The following CNTNAP4 variants were observed in gnomAD, a reference collection of about 807,000 sequenced individuals.
CNTNAP4 encodes the protein contactin associated protein family member 4.
Under a neutral mutation model 148.4 loss-of-function variants are expected in CNTNAP4, and 98 were observed. The observed-to-expected ratio is 0.66, with a 90% confidence interval of 0.56 to 0.78. The LOEUF (loss-of-function observed/expected upper bound fraction) is 0.78, where lower values mean the gene tolerates loss of function less well. Among genes scored for constraint, CNTNAP4 ranks in the 30% least tolerant of loss-of-function variants. The pLI is 0.00. For missense variants in CNTNAP4, 1,935 were observed against 1,565.6 expected, an observed-to-expected ratio of 1.24 and a Z score of -3.98; for synonymous variants, 730 against 565.1, an observed-to-expected ratio of 1.29 and a Z score of -4.14.
chr16:76,555,013 A>G (rs2085131870), intron 23 of CNTNAP4, among the ~76,000 whole-genome samples: 1 of 151,832 alleles, frequency 6.6e-6, no homozygotes, highest in South Asian at 2.1e-4. Flanking sequence ...AAACTTTAAA[A>G]TTGTATCTCC....
intron 10 of CNTNAP4, among the ~76,000 whole-genome samples, chr16:76,473,400 C>CT (rs1280345642): frequency 1.3e-5 from 2 of 152,024 alleles, no homozygotes; most frequent in Non-Finnish European, 2.9e-5. Flanking sequence ...GTGAACATCT[C>CT]TTTTTTTATA....
At chr16:76,345,455 A>G (rs757907905) in intron 2 of CNTNAP4, among the ~76,000 whole-genome samples, 1 of 152,246 alleles carries the variant, frequency 6.6e-6, no homozygotes, top group Admixed American at 6.5e-5. Context: ...ATTCAAAAGT[A>G]TTGTGACAGA....
At chr16:76,479,397 A>G (rs774152028) in intron 11 of CNTNAP4, 22 bp from the exon 12 acceptor site, 3 of 1,561,544 alleles carry the variant, frequency 1.9e-6, no homozygotes, top group South Asian at 2.5e-5. Context: ...TATTCCATTA[A>G]TGATGATTTT....
chr16:76,454,779 T>A (rs1029129107), intron 8 of CNTNAP4, among the ~76,000 whole-genome samples: 1 of 152,236 alleles, frequency 6.6e-6, no homozygotes, highest in Non-Finnish European at 1.5e-5. Flanking sequence ...TGTATTATAA[T>A]GACTTTCAAG....
chr16:76,379,777 C>G (rs192492728), intron 3 of CNTNAP4, among the ~76,000 whole-genome samples: 69 of 152,278 alleles, frequency 4.5e-4, no homozygotes, highest in African/African-American at 1.7e-3. Flanking sequence ...TGGTTCTGAC[C>G]AGGACAATGG....
chr16:76,301,285 C>G (rs1387294400), intron 1 of CNTNAP4, among the ~76,000 whole-genome samples: 1 of 152,106 alleles, frequency 6.6e-6, no homozygotes, highest in Non-Finnish European at 1.5e-5. Flanking sequence ...ATATTAATAG[C>G]TCCAAGGGTT....
intron 3 of CNTNAP4, among the ~76,000 whole-genome samples, chr16:76,406,193 G>A (rs183302044): frequency 8.5e-5 from 13 of 152,244 alleles, no homozygotes; most frequent in Admixed American, 5.2e-4. Context: ...AATATTTCAA[G>A]CTTTTAAATT....
At chr16:76,290,953 T>A (rs1338687643) in intron 1 of CNTNAP4, among the ~76,000 whole-genome samples, 4 of 152,170 alleles carry the variant, frequency 2.6e-5, no homozygotes, top group Admixed American at 2.6e-4. Flanking sequence ...GCCTTTCCTT[T>A]GTGCACATGG....
At chr16:76,317,681 G>C (rs934773849) in intron 2 of CNTNAP4, among the ~76,000 whole-genome samples, 1 of 152,020 alleles carries the variant, frequency 6.6e-6, no homozygotes, top group Non-Finnish European at 1.5e-5. Context: ...TGAGCACACT[G>C]AACATTGGAC....
At chr16:76,397,019 A>G (rs972616168) in intron 3 of CNTNAP4, among the ~76,000 whole-genome samples, 12 of 152,166 alleles carry the variant, frequency 7.9e-5, no homozygotes, top group African/African-American at 2.4e-4. Flanking sequence ...GACTTAAGCA[A>G]TGGAGAGGAA....
chr16:76,343,410 G>T (rs1964648203), intron 2 of CNTNAP4, among the ~76,000 whole-genome samples: 1 of 152,128 alleles, frequency 6.6e-6, no homozygotes, highest in African/African-American at 2.4e-5. Flanking sequence ...CCTCACTTGT[G>T]CATCTTTCAC....
At position 76,447,207 on chromosome 16, in the gene CNTNAP4, G is replaced by A. The variant is rs927903873; in HGVS notation, c.539-805G>A. 2.6e-5 allele frequency among the ~76,000 whole-genome samples: 4 copies of A among 152,094 alleles called. No homozygotes were observed. In the East Asian group the frequency reaches 7.8e-4, roughly 29 times the overall value. On this transcript the variant is annotated intron_variant, in intron 4 of 23. Transcript: ENST00000611870. ...CCCTTGTGGTTCCACTTACTCAGGAGGTTGAGGTGGGAGGGTCGCTTGAGC... is the reference window on the plus strand; with the variant it reads ...CCCTTGTGGTTCCACTTACTCAGGAAGTTGAGGTGGGAGGGTCGCTTGAGC...
intron 3 of CNTNAP4, among the ~76,000 whole-genome samples, chr16:76,393,220 C>T (rs1261718680): frequency 6.6e-6 from 1 of 152,148 alleles, no homozygotes; most frequent in African/African-American, 2.4e-5. Context: ...GATGATTTTA[C>T]TACCCACTGA....
chr16:76,335,835 C>A (rs1330842503), intron 2 of CNTNAP4, among the ~76,000 whole-genome samples: 1 of 152,148 alleles, frequency 6.6e-6, no homozygotes, highest in African/African-American at 2.4e-5. Context: ...GTGCTGTTGG[C>A]AAGGTCTCAC....
At chr16:76,341,537 A>G (rs966181072) in intron 2 of CNTNAP4, among the ~76,000 whole-genome samples, 1 of 152,248 alleles carries the variant, frequency 6.6e-6, no homozygotes, top group Admixed American at 6.5e-5. Context: ...GATTTTTAAC[A>G]TTTTCAGTCC....
intron 2 of CNTNAP4, among the ~76,000 whole-genome samples, chr16:76,354,862 C>A (rs1489760683): frequency 6.6e-6 from 1 of 152,192 alleles, no homozygotes; most frequent in Non-Finnish European, 1.5e-5. Flanking sequence ...CAATGTCCTC[C>A]CTTCTCTAAG....
intron 12 of CNTNAP4, 25 bp downstream of exon 12, chr16:76,479,563 C>T: frequency 6.3e-7 from 1 of 1,592,638 alleles, no homozygotes; most frequent in East Asian, 2.3e-5. Flanking sequence ...TTTTATTTTA[C>T]AGTTAAATTT....
In CNTNAP4 at chr16:76,277,579, A is replaced by C; in HGVS notation, c.-84A>C. 1.1e-6 allele frequency: 1 copy of C among 877,388 alleles called. No homozygotes were observed. Among genetic ancestry groups the C allele is most frequent in the Non-Finnish European group, 1.9e-6 (1 of 539,528 alleles). The allele number at this position is 877,388 out of a possible 1,614,324, so 54.4% of individuals were successfully genotyped here. ...ACCTAGAGGGGCTGAAGACCCAGACAGAGCTGGCAGAGCTACTGAGAAGAG... is the reference window on the plus strand; with the variant it reads ...ACCTAGAGGGGCTGAAGACCCAGACCGAGCTGGCAGAGCTACTGAGAAGAG... On this transcript the variant is annotated 5_prime_UTR_variant, in exon 1 of 24. Coordinates refer to ENST00000611870, the MANE Select transcript of CNTNAP4 (RefSeq NM_033401.5).
chr16:76,309,707 G>T (rs544971726), intron 1 of CNTNAP4: 4 of 589,824 alleles, frequency 6.8e-6, no homozygotes, highest in South Asian at 5.9e-5. Flanking sequence ...ATTCCCACGT[G>T]TTGTGACAGG....
Sources: allele counts gnomAD v4.1 joint callset (sites outside exome capture counted in the v4.1 genomes callset), GRCh38; gene constraint gnomAD v4.1.1; transcripts MANE v1.5; gene names NCBI Gene and HGNC (gene_info 2026-07-23, HGNC 2026-07-21).